Variants in CSMD1 observed in about 807,000 individuals in gnomAD.
CSMD1 encodes CUB and sushi domain-containing protein 1.
Under a neutral mutation model 417.5 loss-of-function variants are expected in CSMD1, and 213 were observed. The observed-to-expected ratio is 0.51, with a 90% CI of 0.46 to 0.57. The LOEUF (loss-of-function observed/expected upper bound fraction) is 0.57, where lower values mean the gene tolerates loss of function less well. Ranked by LOEUF, CSMD1 falls within the 20% of genes least tolerant of loss-of-function variation. The probability of loss-of-function intolerance (pLI) is 0.00; values close to 1 mark genes in which losing one functional copy is unlikely to be tolerated. For synonymous variants in CSMD1, 2,862 were observed against 1,736.8 expected (o/e 1.65, Z -16.11); for missense variants, 6,923 against 4,529.7 (o/e 1.53, Z -15.17).
intron 3 of CSMD1, among the ~76,000 whole-genome samples, chr8:4,067,373 A>G (rs1250619166): frequency 6.6e-6 from 1 of 152,256 alleles, no homozygotes; most frequent in Non-Finnish European, 1.5e-5. Context: ...TTCGGGAGTT[A>G]AACTGGATTT....
chr8:3,450,533 T>G (rs1815634240), intron 12 of CSMD1, among the ~76,000 whole-genome samples: 1 of 151,116 alleles, frequency 6.6e-6, no homozygotes, highest in Non-Finnish European at 1.5e-5. Flanking sequence ...CATTGTTCAA[T>G]TCCCACCTAT....
intron 29 of CSMD1, among the ~76,000 whole-genome samples, chr8:3,217,624 G>A (rs1164511010): frequency 1.3e-5 from 2 of 152,130 alleles, no homozygotes; most frequent in Admixed American, 6.6e-5. Flanking sequence ...TTATGATGTG[G>A]CAAAGGCTCA....
chr8:3,558,482 C>T (rs988031082), intron 10 of CSMD1, among the ~76,000 whole-genome samples: 38 of 148,790 alleles, frequency 2.6e-4, no homozygotes, highest in Non-Finnish European at 3.9e-4. Context: ...CATGTCCACT[C>T]CTCCAATGAT....
At chr8:4,151,590 G>A (rs1435645801) in intron 3 of CSMD1, among the ~76,000 whole-genome samples, 1 of 152,094 alleles carries the variant, frequency 6.6e-6, no homozygotes, top group Non-Finnish European at 1.5e-5. Context: ...ATCCTTGTCA[G>A]ATATGTTTCT....
intron 10 of CSMD1, among the ~76,000 whole-genome samples, chr8:3,534,342 C>A (rs574105598): frequency 1.7e-4 from 26 of 152,204 alleles, no homozygotes; most frequent in African/African-American, 4.6e-4. Flanking sequence ...GTTTTCCACA[C>A]TCCTCTCAGT....
chr8:3,253,156 G>C (rs1800398997), intron 26 of CSMD1, among the ~76,000 whole-genome samples: 1 of 151,886 alleles, frequency 6.6e-6, no homozygotes, highest in South Asian at 2.1e-4. Flanking sequence ...GCTTTCTCTT[G>C]TGGGCATTTA....
At chr8:4,566,422 G>A (rs182606206) in intron 2 of CSMD1, among the ~76,000 whole-genome samples, 1 of 152,006 alleles carries the variant, frequency 6.6e-6, no homozygotes, top group African/African-American at 2.4e-5. Context: ...GGGAGGCCGA[G>A]GTGGGTTGAT....
intron 10 of CSMD1, among the ~76,000 whole-genome samples, chr8:3,507,596 G>A (rs1585272799): frequency 6.6e-6 from 1 of 152,268 alleles, no homozygotes; most frequent in East Asian, 1.9e-4. Context: ...TTCCACAATG[G>A]TTGAACTAGT....
At chr8:4,958,180 G>A (rs1340853484) in intron 1 of CSMD1, among the ~76,000 whole-genome samples, 2 of 151,956 alleles carry the variant, frequency 1.3e-5, no homozygotes, top group Admixed American at 6.6e-5. Context: ...ATCAATTTGT[G>A]TTTAACATAC....
Position 4,269,573 on chromosome 8 carries a change from A to G in CSMD1, c.415+150380T>C, listed in dbSNP as rs866883275. 5.9e-5 allele frequency among the ~76,000 whole-genome samples: 9 copies of G among 152,092 alleles called. No individual in the cohort carries two copies. In the South Asian group the frequency reaches 1.7e-3, roughly 28 times the overall value. ...TGGTAGCTTTTTTCCTTTTTCTCCA[A>G]TCTTTTGAAAGCATCCTTCACATAC... On this transcript the variant is annotated intron_variant, in intron 3 of 69. Transcript: ENST00000635120.
chr8:4,883,979 A>G (rs925144356), intron 1 of CSMD1, among the ~76,000 whole-genome samples: 7 of 151,936 alleles, frequency 4.6e-5, no homozygotes, highest in South Asian at 2.1e-4. Flanking sequence ...ATTTCTTCCA[A>G]TCCTCTACAA....
chr8:4,380,412 A>G (rs1185583365), intron 3 of CSMD1, among the ~76,000 whole-genome samples: 1 of 152,200 alleles, frequency 6.6e-6, no homozygotes, highest in African/African-American at 2.4e-5. Flanking sequence ...AAACATCAGA[A>G]ACATCACAAT....
chr8:3,242,573 A>T (rs1442170339), intron 26 of CSMD1, among the ~76,000 whole-genome samples: 1 of 152,060 alleles, frequency 6.6e-6, no homozygotes, highest in Admixed American at 6.6e-5. Context: ...TCGAGTTTGT[A>T]CTGGGGTCAA....
intron 10 of CSMD1, among the ~76,000 whole-genome samples, chr8:3,558,454 A>G (rs10094494): frequency 0.026 from 2,325 of 88,618 alleles, 183 homozygotes; most frequent in African/African-American, 0.072. Context: ...AATGATGAAT[A>G]GTGTCTCAAT....
At chr8:4,064,711 C>T (rs1021266157) in intron 3 of CSMD1, among the ~76,000 whole-genome samples, 1 of 152,198 alleles carries the variant, frequency 6.6e-6, no homozygotes, top group Non-Finnish European at 1.5e-5. Context: ...TGGTCACCCC[C>T]AGTATCCGTA....
chr8:4,690,645 T>C (rs889778588), intron 1 of CSMD1, among the ~76,000 whole-genome samples: 9 of 152,182 alleles, frequency 5.9e-5, no homozygotes, highest in African/African-American at 1.9e-4. Flanking sequence ...CACAATCCTT[T>C]TGTGAAATAA....
chr8:4,637,302 C>G, intron 2 of CSMD1, 40 bp downstream of exon 2: 1 of 1,449,130 alleles, frequency 6.9e-7, no homozygotes, highest in Non-Finnish European at 9.6e-7. Flanking sequence ...TCTGTGTATT[C>G]AAACAGTGCT....
chr8:3,516,662 G>A (rs983955061), intron 10 of CSMD1, among the ~76,000 whole-genome samples: 2 of 152,242 alleles, frequency 1.3e-5, no homozygotes, highest in Admixed American at 6.5e-5. Context: ...TTTCTATAAT[G>A]TATTGGGGTA....
intron 10 of CSMD1, among the ~76,000 whole-genome samples, chr8:3,557,133 C>T (rs756466840): frequency 2.0e-5 from 3 of 152,198 alleles, no homozygotes; most frequent in Non-Finnish European, 2.9e-5. Flanking sequence ...CTGAGCTTCA[C>T]TGCCACAAAT....
Sources: allele counts gnomAD v4.1 joint callset (sites outside exome capture counted in the v4.1 genomes callset), GRCh38; gene constraint gnomAD v4.1.1; transcripts MANE v1.5; gene names NCBI Gene and HGNC (gene_info 2026-07-23, HGNC 2026-07-21).